Variants in SETBP1 observed in about 807,000 individuals in gnomAD.
The protein encoded by SETBP1 is SET-binding protein.
SETBP1 carries 9 observed loss-of-function variants against 101.0 expected under a neutral mutation model. The observed-to-expected ratio is 0.09, with a 90% confidence interval of 0.05 to 0.16. The LOEUF (loss-of-function observed/expected upper bound fraction) is 0.16. Ranked by LOEUF, SETBP1 falls within the 10% of genes least tolerant of loss-of-function variation. The probability of loss-of-function intolerance (pLI) is 1.00; values close to 1 mark genes in which losing one functional copy is unlikely to be tolerated. For missense variants in SETBP1, 1,858 were observed against 2,033.8 expected, an observed-to-expected ratio of 0.91 and a Z score of 1.66; for synonymous variants, 818 against 788.5, an observed-to-expected ratio of 1.04 and a Z score of -0.63.
At chr18:45,061,647 T>C (rs940562813) in intron 5 of SETBP1, among the ~76,000 whole-genome samples, 1 of 152,192 alleles carries the variant, frequency 6.6e-6, no homozygotes, top group African/African-American at 2.4e-5. Context: ...TGGCAATCTG[T>C]GCTGGGCACA....
intron 4 of SETBP1, among the ~76,000 whole-genome samples, chr18:44,972,693 T>A (rs898299025): frequency 7.2e-5 from 11 of 152,130 alleles, no homozygotes; most frequent in Non-Finnish European, 1.3e-4. Context: ...TTATTGGTGT[T>A]TAAGAATGCT....
chr18:45,012,252 A>G (rs1263440584), intron 4 of SETBP1, among the ~76,000 whole-genome samples: 1 of 152,232 alleles, frequency 6.6e-6, no homozygotes, highest in African/African-American at 2.4e-5. Context: ...TAGGTCAATC[A>G]AGAGGCAAAA....
At chr18:45,006,656 C>T (rs1306355350) in intron 4 of SETBP1, among the ~76,000 whole-genome samples, 1 of 152,160 alleles carries the variant, frequency 6.6e-6, no homozygotes, top group African/African-American at 2.4e-5. Flanking sequence ...AAAATTTTCT[C>T]TTCTTATAAG....
chr18:44,683,888 A>G (rs2068796403), intron 1 of SETBP1, among the ~76,000 whole-genome samples: 1 of 152,252 alleles, frequency 6.6e-6, no homozygotes, highest in East Asian at 1.9e-4. Flanking sequence ...TGCTCCTGCC[A>G]GAAGAATGGG....
At chr18:45,026,262 C>G (rs933241110) in intron 4 of SETBP1, among the ~76,000 whole-genome samples, 1 of 152,128 alleles carries the variant, frequency 6.6e-6, no homozygotes, top group Non-Finnish European at 1.5e-5. Context: ...AAGCATACAC[C>G]AGGAGTAAAA....
At chr18:45,041,471 G>A (rs1036364979) in intron 5 of SETBP1, among the ~76,000 whole-genome samples, 2 of 152,010 alleles carry the variant, frequency 1.3e-5, no homozygotes, top group Non-Finnish European at 2.9e-5. Flanking sequence ...ATTACGTCTG[G>A]CTTTAGGCAG....
intron 5 of SETBP1, among the ~76,000 whole-genome samples, chr18:45,046,574 G>A (rs144704141): frequency 2.0e-5 from 3 of 152,352 alleles, no homozygotes; most frequent in African/African-American, 7.2e-5. Context: ...GAATATGCAC[G>A]CATATGTGTC....
chr18:44,856,329 G>T (rs1316635658), intron 2 of SETBP1, among the ~76,000 whole-genome samples: 1 of 152,206 alleles, frequency 6.6e-6, no homozygotes, highest in African/African-American at 2.4e-5. Flanking sequence ...AGGAAGGCTG[G>T]TCTGGATTAT....
chr18:44,781,910 G>T (rs1187012720), intron 2 of SETBP1, among the ~76,000 whole-genome samples: 1 of 152,118 alleles, frequency 6.6e-6, no homozygotes, highest in Non-Finnish European at 1.5e-5. Context: ...TGACTTAAGG[G>T]ACTGTAATAC....
At chr18:44,876,674 G>A (rs928110908) in intron 3 of SETBP1, 17 of 1,548,234 alleles carry the variant, frequency 1.1e-5, no homozygotes, top group South Asian at 9.5e-5. Flanking sequence ...TCATGCCCCC[G>A]GAACCCATTC....
At chr18:44,810,243 T>C (rs116833855) in intron 2 of SETBP1, among the ~76,000 whole-genome samples, 149 of 152,330 alleles carry the variant, frequency 9.8e-4, no homozygotes, top group African/African-American at 3.5e-3. Context: ...TGAGAATCGA[T>C]AGTACTGGAT....
chr18:45,027,160 T>C (rs914058858), intron 4 of SETBP1, among the ~76,000 whole-genome samples: 11 of 152,182 alleles, frequency 7.2e-5, no homozygotes, highest in African/African-American at 2.7e-4. Flanking sequence ...ATTTACTGCA[T>C]AGAGTAAAAT....
chr18:44,836,114 A>G (rs1049643606), intron 2 of SETBP1, among the ~76,000 whole-genome samples: 2 of 69,968 alleles, frequency 2.9e-5, no homozygotes, highest in Non-Finnish European at 6.5e-5. Context: ...CTTACTCTCT[A>G]TAAGCTTTTT....
chr18:44,796,819 A>G (rs575118255), intron 2 of SETBP1, among the ~76,000 whole-genome samples: 29 of 152,272 alleles, frequency 1.9e-4, no homozygotes, highest in African/African-American at 5.8e-4. Flanking sequence ...CTACACACAC[A>G]CGCGCACACA....
At chr18:44,756,781 G>A (rs1398722340) in intron 2 of SETBP1, among the ~76,000 whole-genome samples, 1 of 151,942 alleles carries the variant, frequency 6.6e-6, no homozygotes, top group African/African-American at 2.4e-5. Context: ...GCCATTCTCA[G>A]TGCTTCCCAG....
intron 4 of SETBP1, among the ~76,000 whole-genome samples, chr18:44,994,997 A>G (rs1321519788): frequency 3.9e-5 from 6 of 152,140 alleles, no homozygotes. Context: ...CCTCACAAGG[A>G]AGAAAAAGGT....
At chr18:44,911,667 T>C (rs1303988315) in intron 3 of SETBP1, among the ~76,000 whole-genome samples, 2 of 152,194 alleles carry the variant, frequency 1.3e-5, no homozygotes, top group African/African-American at 4.8e-5. Flanking sequence ...GTACTACAGG[T>C]CTAGCCCTGC....
intron 3 of SETBP1, among the ~76,000 whole-genome samples, chr18:44,936,268 G>GT (rs61310423): frequency 0.23 from 35,731 of 152,132 alleles, 4,261 homozygotes; most frequent in East Asian, 0.27. Flanking sequence ...TGGTGCTGTA[G>GT]TGGGATCCCG....
chr18:44,866,468 A>G (rs977263267), intron 2 of SETBP1, among the ~76,000 whole-genome samples: 2 of 152,156 alleles, frequency 1.3e-5, no homozygotes, highest in South Asian at 2.1e-4. Context: ...TTATGTCCAG[A>G]CTCTTCTCAA....
Sources: gnomAD v4.1 joint callset for allele counts (sites outside exome capture counted in the v4.1 genomes callset) on GRCh38, gnomAD v4.1.1 for gene constraint, MANE v1.5 for transcripts, NCBI Gene and HGNC (gene_info 2026-07-23, HGNC 2026-07-21) for gene names.